The following CLEC16A variants were observed in gnomAD, a reference collection of about 807,000 sequenced individuals.
CLEC16A encodes C-type lectin domain containing 16A.
CLEC16A carries 51 observed loss-of-function variants against 109.5 expected under a neutral mutation model. The ratio of observed to expected loss-of-function variants is 0.47; its 90% CI spans 0.37 to 0.59. The LOEUF (loss-of-function observed/expected upper bound fraction) is 0.59. Ranked by LOEUF, CLEC16A falls within the 20% of genes least tolerant of loss-of-function variation. The pLI, the probability that CLEC16A is intolerant of heterozygous loss-of-function variation, is 0.00. For synonymous variants in CLEC16A, 673 were observed against 564.2 expected (o/e 1.19, Z -2.73); for missense variants, 1,339 against 1,394.0 (o/e 0.96, Z 0.63).
chr16:10,986,012 A>ATTTTTTTTTTT lies in CLEC16A; in HGVS notation c.1071+3047_1071+3057dup, dbSNP rs59547466. Among the ~76,000 whole-genome samples, 49 of 43,454 alleles carry ATTTTTTTTTTT rather than the reference A, an allele frequency of 1.1e-3. 10 individuals carry two copies. Among genetic ancestry groups the ATTTTTTTTTTT allele is most frequent in the African/African-American group, 3.7e-3 (33 of 8,822 alleles). The allele number at this position is 43,454 out of a possible 152,430, so 28.5% of individuals were successfully genotyped here. ...TGAGACACTGCACCTGGCCTGCAGAATTTTTTTTTTTTTTTTTTTTTTTTT... is the reference window on the plus strand; with the variant it reads ...TGAGACACTGCACCTGGCCTGCAGAATTTTTTTTTTTTTTTTTTTTTTTTTTTTTTTTTTTT... On this transcript the variant is annotated intron_variant, in intron 10 of 23. Transcript: ENST00000409790.
chr16:11,087,851 C>G (rs915315403), intron 19 of CLEC16A, among the ~76,000 whole-genome samples: 3 of 152,210 alleles, frequency 2.0e-5, no homozygotes, highest in African/African-American at 7.2e-5. Context: ...TGCTTCCACA[C>G]AAGGTGGCTG....
chr16:10,944,671 G>A lies in CLEC16A; in HGVS notation c.-47G>A, dbSNP rs1395441749. On this transcript the variant is annotated 5_prime_UTR_variant, in exon 1 of 24. Coordinates refer to ENST00000409790, the MANE Select transcript of CLEC16A (RefSeq NM_015226.3). The stretch of plus-strand genomic sequence containing the variant: ...GCCGCGGGCGCTGGGCCGCTCTGCT[G>A]GTCCGGCATGAGACCGTGAGACGAG... The A allele has an allele frequency of 2.6e-6, 4 of 1,550,906 alleles. No homozygotes were observed. The highest frequency in any genetic ancestry group is 4.7e-5 in the East Asian group (2 of 42,910).
At position 10,944,792 on chromosome 16, in the gene CLEC16A, CCTCAAGTGAGTGTG is replaced by C; in HGVS notation, c.76_80+9del. The C allele has an allele frequency of 1.2e-6, 2 of 1,607,864 alleles. No homozygotes were observed. On this transcript the variant is annotated splice_donor_variant and splice_donor_5th_base_variant and coding_sequence_variant and intron_variant, in exon 1 of 24. Coordinates refer to ENST00000409790, the MANE Select transcript of CLEC16A (RefSeq NM_015226.3). LOFTEE classifies it high-confidence loss of function. ...CCCGCAACATCCACTCCTTGGACCACCTCAAGTGAGTGTGGGGGGCGTAGCGGGAGGCCTCGGGG... is the reference window on the plus strand; with the variant it reads ...CCCGCAACATCCACTCCTTGGACCACGGGGGCGTAGCGGGAGGCCTCGGGG...
chr16:11,069,919 G>A (rs930163472), intron 19 of CLEC16A, among the ~76,000 whole-genome samples: 1 of 152,122 alleles, frequency 6.6e-6, no homozygotes, highest in Non-Finnish European at 1.5e-5. Context: ...ATGCAAATAC[G>A]ACACCATTTT....
chr16:11,086,202 G>A (rs1048166907), intron 19 of CLEC16A, among the ~76,000 whole-genome samples: 10 of 152,186 alleles, frequency 6.6e-5, no homozygotes, highest in Non-Finnish European at 8.8e-5. Context: ...TGAGGCTCAA[G>A]GAGGGCCCTG....
At chr16:11,002,220 G>C (rs888393012) in intron 10 of CLEC16A, among the ~76,000 whole-genome samples, 5 of 152,178 alleles carry the variant, frequency 3.3e-5, no homozygotes, top group Non-Finnish European at 5.9e-5. Context: ...TTGCTATAAA[G>C]TTCAAGTGAG....
chr16:11,022,323 C>G (rs887058910), intron 12 of CLEC16A, among the ~76,000 whole-genome samples: 2 of 150,798 alleles, frequency 1.3e-5, no homozygotes, highest in South Asian at 4.2e-4. Context: ...GCCAGAGTCA[C>G]CATGTCTGGC....
At chr16:10,983,017 C>G (rs202190607) in intron 10 of CLEC16A, 26 bp downstream of exon 10, 2 of 1,267,358 alleles carry the variant, frequency 1.6e-6, no homozygotes, top group Non-Finnish European at 2.3e-6. Context: ...CGGGACTGAC[C>G]TTAACAGGAA....
chr16:11,069,879 A>G (rs2048970111), intron 19 of CLEC16A, among the ~76,000 whole-genome samples: 1 of 152,232 alleles, frequency 6.6e-6, no homozygotes, highest in Admixed American at 6.5e-5. Flanking sequence ...GAGATGGTTT[A>G]AAGTGTGTGG....
chr16:11,035,511 G>A (rs2046971437), intron 13 of CLEC16A, among the ~76,000 whole-genome samples: 3 of 151,652 alleles, frequency 2.0e-5, no homozygotes, highest in South Asian at 2.1e-4. Flanking sequence ...CAGAGAGGAG[G>A]GAGGTAAGAG....
intron 3 of CLEC16A, among the ~76,000 whole-genome samples, chr16:10,967,297 C>T (rs535985920): frequency 3.9e-5 from 6 of 152,274 alleles, no homozygotes; most frequent in South Asian, 2.1e-4. Flanking sequence ...TGACTTTGAT[C>T]GACCTCAGTT....
At chr16:11,071,819 C>G (rs887471706) in intron 19 of CLEC16A, among the ~76,000 whole-genome samples, 1 of 144,700 alleles carries the variant, frequency 6.9e-6, no homozygotes, top group Non-Finnish European at 1.5e-5. Context: ...TGGTCTTGAA[C>G]CCCTGGGCTC....
chr16:11,170,920 T>C (rs562758430), intron 23 of CLEC16A, among the ~76,000 whole-genome samples: 1 of 152,108 alleles, frequency 6.6e-6, no homozygotes, highest in Non-Finnish European at 1.5e-5. Context: ...AGAGGTGGCA[T>C]CGCTGCAGAT....
intron 19 of CLEC16A, among the ~76,000 whole-genome samples, chr16:11,102,325 C>CA (rs2050968494): frequency 6.6e-6 from 1 of 152,128 alleles, no homozygotes; most frequent in African/African-American, 2.4e-5. Context: ...AGTTTGAACA[C>CA]AAAAGATTAA....
chr16:11,020,883 C>T (rs1166025571), intron 12 of CLEC16A, among the ~76,000 whole-genome samples: 1 of 152,232 alleles, frequency 6.6e-6, no homozygotes, highest in African/African-American at 2.4e-5. Context: ...TGGAACCTTG[C>T]CATAGCACCA....
At chr16:11,110,349 A>G (rs2051500361) in intron 19 of CLEC16A, among the ~76,000 whole-genome samples, 4 of 152,208 alleles carry the variant, frequency 2.6e-5, no homozygotes, top group Middle Eastern at 6.8e-3. Context: ...AGGCACTGGG[A>G]TGGGGCTGGG....
Position 10,961,536 on chromosome 16 carries a change from A to G in CLEC16A, c.210-919A>G, listed in dbSNP as rs183426252. The stretch of plus-strand genomic sequence containing the variant: ...CTCTTCCTTTAGAGAAAGGCACTGG[A>G]TGGTCTGTTTCCTTTTCAAGACTGA... On this transcript the variant is annotated intron_variant, in intron 2 of 23. Transcript: ENST00000409790. The surrounding 1 kb of genome is among the most constrained non-coding windows in gnomAD (Gnocchi z 4.3). Among the ~76,000 whole-genome samples, 3 of 152,318 alleles carry G rather than the reference A, an allele frequency of 2.0e-5. No homozygotes were observed. The highest frequency in any genetic ancestry group is 1.9e-4 in the East Asian group (1 of 5,182).
intron 19 of CLEC16A, among the ~76,000 whole-genome samples, chr16:11,095,297 CA>C (rs986710976): frequency 6.6e-6 from 1 of 152,164 alleles, no homozygotes; most frequent in Non-Finnish European, 1.5e-5. Context: ...AAAGGCTGTG[CA>C]GGGGTCACGG....
intron 19 of CLEC16A, among the ~76,000 whole-genome samples, chr16:11,093,537 C>G (rs1312895401): frequency 6.6e-6 from 1 of 152,196 alleles, no homozygotes; most frequent in Non-Finnish European, 1.5e-5. Context: ...TGACTGGTCA[C>G]CTTTCTCTTC....
Sources: gnomAD v4.1 joint callset for allele counts (sites outside exome capture counted in the v4.1 genomes callset) on GRCh38, gnomAD v4.1.1 for gene constraint, Gnocchi (gnomAD v3.1) non-coding constraint, MANE v1.5 for transcripts, NCBI Gene and HGNC (gene_info 2026-07-23, HGNC 2026-07-21) for gene names.